EYS: variants seen among roughly 807,000 people sequenced by gnomAD.
EYS encodes EGF-like photoreceptor maintenance factor, also known as protein eyes shut homolog.
EYS carries 250 observed loss-of-function variants against 282.1 expected under a neutral mutation model. That is an observed-to-expected ratio of 0.89 (90% CI 0.80 to 0.98). The LOEUF (loss-of-function observed/expected upper bound fraction) is 0.98. Among genes scored for constraint, EYS ranks in the 50% least tolerant of loss-of-function variants. The probability of loss-of-function intolerance (pLI) is 0.00; values close to 1 mark genes in which losing one functional copy is unlikely to be tolerated. For missense variants in EYS, 4,016 were observed against 3,709.0 expected (o/e 1.08, Z -2.15); for synonymous variants, 1,355 against 1,282.9 (o/e 1.06, Z -1.20).
At chr6:65,622,405 A>G (rs958082253) in intron 2 of EYS, among the ~76,000 whole-genome samples, 1 of 152,152 alleles carries the variant, frequency 6.6e-6, no homozygotes, top group Admixed American at 6.5e-5. Context: ...TACTTCTGCT[A>G]TTAATCAAAT....
At chr6:63,971,675 G>C (rs1464299280) in intron 35 of EYS, among the ~76,000 whole-genome samples, 1 of 152,188 alleles carries the variant, frequency 6.6e-6, no homozygotes. Flanking sequence ...CAGAGAATTT[G>C]TGAGAGAGAA....
intron 33 of EYS, among the ~76,000 whole-genome samples, chr6:64,019,654 C>T: frequency 6.6e-6 from 1 of 151,852 alleles, no homozygotes; most frequent in Non-Finnish European, 1.5e-5. Flanking sequence ...TGTGATCTGC[C>T]CGCCTCGGCC....
At chr6:64,349,251 C>G (rs1276322368) in intron 29 of EYS, among the ~76,000 whole-genome samples, 1 of 151,022 alleles carries the variant, frequency 6.6e-6, no homozygotes, top group African/African-American at 2.4e-5. Flanking sequence ...ATCTTGCTAT[C>G]CGTATTGTTT....
At chr6:65,379,386 T>C (rs1017485972) in intron 8 of EYS, among the ~76,000 whole-genome samples, 2 of 152,098 alleles carry the variant, frequency 1.3e-5, no homozygotes, top group African/African-American at 4.8e-5. Context: ...TCCCAATAGA[T>C]GCAGAAAAGG....
intron 16 of EYS, among the ~76,000 whole-genome samples, chr6:64,906,009 A>G (rs1767815559): frequency 1.3e-5 from 2 of 151,590 alleles, no homozygotes; most frequent in African/African-American, 4.8e-5. Context: ...ATTCTTAATT[A>G]AATAATCTAA....
chr6:65,388,043 C>T (rs1402175728), intron 7 of EYS, among the ~76,000 whole-genome samples: 1 of 151,988 alleles, frequency 6.6e-6, no homozygotes, highest in Non-Finnish European at 1.5e-5. Flanking sequence ...CATACTGTGA[C>T]TTGTGTGGGC....
rs182879151 is a variant in EYS, at chr6:65,378,973, T to G, written c.1299+5413A>C. Among the ~76,000 whole-genome samples the G allele has an allele frequency of 5.9e-5, 9 of 152,134 alleles. No individual in the cohort carries two copies. The East Asian group carries it at 1.7e-3, about 30-fold the overall frequency. ...GGGTGCAGCAAAACACCATGTCACA[T>G]GTATACTTATGTAACAAACCTGCAC... On this transcript the variant is annotated intron_variant, in intron 8 of 42. Coordinates refer to ENST00000503581, the MANE Select transcript of EYS (RefSeq NM_001142800.2).
At chr6:64,166,298 G>T (rs1005015436) in intron 31 of EYS, among the ~76,000 whole-genome samples, 1 of 152,166 alleles carries the variant, frequency 6.6e-6, no homozygotes. Flanking sequence ...TATTCCCATA[G>T]CTTGCAATTT....
intron 1 of EYS, among the ~76,000 whole-genome samples, chr6:65,676,274 C>T (rs1173871610): frequency 1.3e-5 from 2 of 151,494 alleles, no homozygotes; most frequent in East Asian, 3.9e-4. Context: ...TTTTAAAAAT[C>T]AACAAAAATA....
intron 2 of EYS, among the ~76,000 whole-genome samples, chr6:65,616,071 TTTACTC>T (rs71801389): frequency 0.36 from 54,449 of 151,850 alleles, 12,071 homozygotes; most frequent in Non-Finnish European, 0.49. Context: ...GCATTAAACA[TTTACTC>T]TTACAGTTTT....
chr6:64,597,621 C>T (rs1766627608), intron 24 of EYS, among the ~76,000 whole-genome samples: 2 of 151,702 alleles, frequency 1.3e-5, no homozygotes, highest in Admixed American at 6.6e-5. Context: ...AAGACAAATA[C>T]CCACATGTTC....
At chr6:64,000,548 T>C (rs1768048395) in intron 33 of EYS, among the ~76,000 whole-genome samples, 1 of 152,070 alleles carries the variant, frequency 6.6e-6, no homozygotes. Flanking sequence ...CCTGGAGAAG[T>C]TGGTCATTTT....
intron 12 of EYS, among the ~76,000 whole-genome samples, chr6:65,071,232 A>T (rs1052555085): frequency 1.3e-5 from 2 of 151,912 alleles, no homozygotes; most frequent in Non-Finnish European, 2.9e-5. Context: ...ACAAAAACTT[A>T]TTTTAAAAAT....
chr6:65,583,508 C>T (rs918723323), intron 2 of EYS, among the ~76,000 whole-genome samples: 2 of 152,010 alleles, frequency 1.3e-5, no homozygotes, highest in African/African-American at 2.4e-5. Flanking sequence ...TATTTTAATT[C>T]TATGACTCTC....
At chr6:65,236,512 G>A (rs932668049) in intron 12 of EYS, among the ~76,000 whole-genome samples, 1 of 152,078 alleles carries the variant, frequency 6.6e-6, no homozygotes, top group East Asian at 1.9e-4. Flanking sequence ...TAGGGAGGCC[G>A]AGGCAGAATC....
At chr6:65,180,405 A>T (rs2150232893) in intron 12 of EYS, among the ~76,000 whole-genome samples, 1 of 152,182 alleles carries the variant, frequency 6.6e-6, no homozygotes, top group Non-Finnish European at 1.5e-5. Context: ...ATTCTTATAC[A>T]CCAATAACAG....
intron 14 of EYS, among the ~76,000 whole-genome samples, chr6:64,982,025 G>A (rs1257298417): frequency 6.6e-6 from 1 of 151,464 alleles, no homozygotes; most frequent in East Asian, 1.9e-4. Context: ...AATAGTACTT[G>A]TAGCAAGAGA....
intron 11 of EYS, among the ~76,000 whole-genome samples, chr6:65,300,005 T>C (rs1768773447): frequency 6.6e-6 from 1 of 152,210 alleles, no homozygotes; most frequent in Non-Finnish European, 1.5e-5. Context: ...GTGATATCAT[T>C]TGTAGCTGAA....
rs1766472669 is a variant in EYS, at chr6:65,221,775, C to T, written c.2023+74088G>A. The stretch of plus-strand genomic sequence containing the variant: ...CCATGCACCTAGAAAAGACAAGACA[C>T]AAAATGCCAGCCCATGAAAGCAGCT... On this transcript the variant is annotated intron_variant, in intron 12 of 42. Transcript: ENST00000503581. 3.9e-5 allele frequency among the ~76,000 whole-genome samples: 6 copies of T among 152,260 alleles called. No homozygotes were observed. In the South Asian group the frequency reaches 1.2e-3, roughly 32 times the overall value.
Sources: allele counts gnomAD v4.1 joint callset (sites outside exome capture counted in the v4.1 genomes callset), GRCh38; gene constraint gnomAD v4.1.1; transcripts MANE v1.5; gene names NCBI Gene and HGNC (gene_info 2026-07-23, HGNC 2026-07-21).